The following TRIO variants were observed in gnomAD, a reference collection of about 807,000 sequenced individuals.
TRIO encodes the protein trio Rho guanine nucleotide exchange factor.
In TRIO, 58 loss-of-function variants were observed where a neutral mutation model predicts 351.9. The ratio of observed to expected loss-of-function variants is 0.16; its 90% CI spans 0.13 to 0.21. TRIO has a LOEUF of 0.21. Among genes scored for constraint, TRIO ranks in the 10% least tolerant of loss-of-function variants. TRIO has a pLI of 1.00. For missense variants in TRIO, 3,201 were observed against 4,027.8 expected, an observed-to-expected ratio of 0.79 and a Z score of 5.56; for synonymous variants, 1,758 against 1,595.7, an observed-to-expected ratio of 1.10 and a Z score of -2.42.
intron 1 of TRIO, among the ~76,000 whole-genome samples, chr5:14,254,041 C>A (rs1413301055): frequency 6.8e-6 from 1 of 147,266 alleles, no homozygotes; most frequent in Admixed American, 6.7e-5. Context: ...GATATTATTT[C>A]AAAAATTCTC....
chr5:14,204,024 A>C (rs1257325788), intron 1 of TRIO, among the ~76,000 whole-genome samples: 2 of 152,258 alleles, frequency 1.3e-5, no homozygotes, highest in African/African-American at 2.4e-5. Context: ...TGCTCTTTTC[A>C]GGATCCTGAT....
chr5:14,247,076 C>G (rs1334502504), intron 1 of TRIO, among the ~76,000 whole-genome samples: 6 of 152,386 alleles, frequency 3.9e-5, no homozygotes, highest in African/African-American at 1.2e-4. Context: ...CCCACCTCCC[C>G]CTTCCCCACA....
chr5:14,410,529 G>A (rs906477196), intron 33 of TRIO, among the ~76,000 whole-genome samples: 7 of 152,194 alleles, frequency 4.6e-5, no homozygotes, highest in African/African-American at 1.7e-4. Context: ...TTAAGTTTAA[G>A]CAGCCTCTGA....
Position 14,381,159 on chromosome 5 carries a change from G to A in TRIO, c.3477G>A (p.Glu1159=). The A allele has an allele frequency of 6.2e-7, 1 of 1,614,070 alleles. No individual in the cohort carries two copies. Among genetic ancestry groups the A allele is most frequent in the Non-Finnish European group, 8.5e-7 (1 of 1,180,010 alleles). ...QALEWIHDNG[E]FYLSTHTSTG... ...TGGAATGGATCCATGACAATGGCGA[G>A]TTCTACCTTTCCACACACACCTCCA... Residue 1159 remains glutamate (E), a synonymous_variant, in exon 21 of 57, where the codon GAG becomes GAA. Transcript: ENST00000344204.
chr5:14,446,746 ATTGGTTACAGC>A (rs1265913204), intron 34 of TRIO, among the ~76,000 whole-genome samples: 1 of 152,100 alleles, frequency 6.6e-6, no homozygotes, highest in East Asian at 1.9e-4. Flanking sequence ...GGAATTCCTA[ATTGGTTACAGC>A]TTTTGTTTCT....
At chr5:14,210,372 C>T (rs1165570484) in intron 1 of TRIO, among the ~76,000 whole-genome samples, 1 of 152,224 alleles carries the variant, frequency 6.6e-6, no homozygotes, top group Non-Finnish European at 1.5e-5. Flanking sequence ...CAGCTTTCCC[C>T]AGGCTCCGCA....
In TRIO at chr5:14,240,344, T is replaced by A. The variant is rs79057643; in HGVS notation, c.158-30481T>A. ...CAAATCATGAGCTTCTCAGTGGGGATAAAGGAAGAAAAGGGGGTTCTCAGT... is the reference window on the plus strand; with the variant it reads ...CAAATCATGAGCTTCTCAGTGGGGAAAAAGGAAGAAAAGGGGGTTCTCAGT... On this transcript the variant is annotated intron_variant, in intron 1 of 56. Transcript: ENST00000344204. Among the ~76,000 whole-genome samples, 666 of 152,086 alleles carry A rather than the reference T, an allele frequency of 4.4e-3. 12 individuals carry two copies. Among genetic ancestry groups the A allele is most frequent in the East Asian group, 0.022 (114 of 5,190 alleles).
chr5:14,214,424 C>T (rs1282165509), intron 1 of TRIO, among the ~76,000 whole-genome samples: 1 of 152,128 alleles, frequency 6.6e-6, no homozygotes, highest in African/African-American at 2.4e-5. Flanking sequence ...ACTCAGACTC[C>T]AGTATTGAGA....
chr5:14,340,037 G>A (rs977473661), intron 11 of TRIO, among the ~76,000 whole-genome samples: 1 of 152,112 alleles, frequency 6.6e-6, no homozygotes, highest in African/African-American at 2.4e-5. Flanking sequence ...GATACACATT[G>A]TCTGAGTCTG....
At chr5:14,424,663 T>C (rs1157985360) in intron 34 of TRIO, among the ~76,000 whole-genome samples, 2 of 152,208 alleles carry the variant, frequency 1.3e-5, no homozygotes, top group Non-Finnish European at 2.9e-5. Flanking sequence ...GCTCTCAGGC[T>C]TGACCAGACT....
rs1265677411 is a variant in TRIO at position 14,481,530 on chromosome 5, C to G, written c.6388-11C>G. On this transcript the variant is annotated splice_polypyrimidine_tract_variant and intron_variant, in intron 44 of 56. Coordinates refer to ENST00000344204, the MANE Select transcript of TRIO (RefSeq NM_007118.4). ...ACTTGAGCTTTCACTCTTCTCTCTC[C>G]CCTCCCACAGAGAGCTGTGGAAGTC... 6.2e-7 allele frequency: 1 copy of G among 1,613,842 alleles called. No homozygotes were observed. Among genetic ancestry groups the G allele is most frequent in the Admixed American group, 1.7e-5 (1 of 60,002 alleles).
Position 14,405,952 on chromosome 5 carries a change from C to G in TRIO, c.4821C>G (p.Ile1607Met), listed in dbSNP as rs1467847680. ...LKGALKEPIHIPKTAPATRQK... is the reference protein window; with the variant it reads ...LKGALKEPIHMPKTAPATRQK... ...GAGCCCTGAAGGAGCCCATTCACATCCCTAAGACCGCTCCCGCCACAAGAC... is the reference window on the plus strand; with the variant it reads ...GAGCCCTGAAGGAGCCCATTCACATGCCTAAGACCGCTCCCGCCACAAGAC... Residue 1607 changes from isoleucine to methionine, a missense_variant, in exon 32 of 57, where the codon ATC becomes ATG. Physicochemically the swap from Ile to Met is conservative, Grantham distance 10. Around this residue, in one of 19 missense-constraint regions of TRIO, gnomAD observed 136 missense variants for 229.5 expected, o/e 0.59. Transcript: ENST00000344204. The G allele has an allele frequency of 6.2e-7, 1 of 1,612,228 alleles. No homozygotes were observed. The highest frequency in any genetic ancestry group is 1.3e-5 in the African/African-American group (1 of 74,892).
intron 37 of TRIO, among the ~76,000 whole-genome samples, chr5:14,468,173 G>A (rs1373841266): frequency 6.6e-6 from 1 of 152,202 alleles, no homozygotes; most frequent in African/African-American, 2.4e-5. Context: ...GGCATGGTCA[G>A]TTTTGACTCT....
At chr5:14,475,052 A>G (rs1478030607) in intron 40 of TRIO, among the ~76,000 whole-genome samples, 1 of 152,142 alleles carries the variant, frequency 6.6e-6, no homozygotes, top group Non-Finnish European at 1.5e-5. Context: ...CCCCACACCT[A>G]TCCTAATCAG....
chr5:14,358,074 G>C, intron 11 of TRIO, 104 bp from the exon 12 acceptor site: 1 of 1,398,276 alleles, frequency 7.2e-7, no homozygotes, highest in South Asian at 1.4e-5. Flanking sequence ...TCCCCTCCCA[G>C]GGCAAGTCAC....
chr5:14,355,057 T>G (rs972488816), intron 11 of TRIO, among the ~76,000 whole-genome samples: 1 of 152,074 alleles, frequency 6.6e-6, no homozygotes, highest in Non-Finnish European at 1.5e-5. Context: ...GAGGCTGCAG[T>G]GGCTCCGTGC....
At chr5:14,323,024 G>A (rs981705898) in intron 9 of TRIO, among the ~76,000 whole-genome samples, 1 of 152,258 alleles carries the variant, frequency 6.6e-6, no homozygotes, top group East Asian at 1.9e-4. Context: ...AGGAACCACA[G>A]CCAGGATGGA....
At chr5:14,194,350 T>C (rs927389941) in intron 1 of TRIO, among the ~76,000 whole-genome samples, 1 of 152,360 alleles carries the variant, frequency 6.6e-6, no homozygotes, top group East Asian at 1.9e-4. Context: ...ATAAAGTACA[T>C]AAGGCTCGTA....
chr5:14,170,154 A>T (rs773522153), intron 1 of TRIO, among the ~76,000 whole-genome samples: 3 of 152,176 alleles, frequency 2.0e-5, no homozygotes, highest in Non-Finnish European at 4.4e-5. Context: ...TTTTTGTTAT[A>T]ACATGTTTGG....
Sources: allele counts gnomAD v4.1 joint callset (sites outside exome capture counted in the v4.1 genomes callset), GRCh38; gene constraint gnomAD v4.1.1; regional missense constraint gnomAD v4.1.1; transcripts MANE v1.5; gene names NCBI Gene and HGNC (gene_info 2026-07-23, HGNC 2026-07-21).